Variants in JMJD1C observed in about 807,000 individuals in gnomAD.
JMJD1C encodes the protein jumonji domain containing 1C.
Under a neutral mutation model 245.3 loss-of-function variants are expected in JMJD1C, and 31 were observed. The observed-to-expected ratio is 0.13, with a 90% CI of 0.09 to 0.17. The LOEUF (loss-of-function observed/expected upper bound fraction) is 0.17. JMJD1C is among the 10% of genes least tolerant of loss of function. The probability of loss-of-function intolerance (pLI) is 1.00; values close to 1 mark genes in which losing one functional copy is unlikely to be tolerated. For missense variants in JMJD1C, 2,691 were observed against 3,000.2 expected, an observed-to-expected ratio of 0.90 and a Z score of 2.41; for synonymous variants, 1,057 against 1,017.4, an observed-to-expected ratio of 1.04 and a Z score of -0.74.
chr10:63,315,838 CAAAAA>C (rs531544593), intron 2 of JMJD1C, among the ~76,000 whole-genome samples: 1 of 55,280 alleles, frequency 1.8e-5, no homozygotes, highest in Non-Finnish European at 4.2e-5. Flanking sequence ...GACACCGTCT[CAAAAA>C]AAAAAAAAAA....
chr10:63,245,543 C>T (rs1198020415), intron 3 of JMJD1C, among the ~76,000 whole-genome samples: 4 of 128,682 alleles, frequency 3.1e-5, no homozygotes, highest in Non-Finnish European at 6.2e-5. Context: ...ACTGCAGTGG[C>T]GGGATCTCAG....
At chr10:63,221,502 A>T (rs1015926552) in intron 3 of JMJD1C, among the ~76,000 whole-genome samples, 1 of 152,234 alleles carries the variant, frequency 6.6e-6, no homozygotes, top group Non-Finnish European at 1.5e-5. Flanking sequence ...CCAGAATGAA[A>T]AACTGTCATA....
intron 1 of JMJD1C, among the ~76,000 whole-genome samples, chr10:63,415,065 C>T (rs1949722948): frequency 6.6e-6 from 1 of 152,080 alleles, no homozygotes; most frequent in South Asian, 2.1e-4. Context: ...CAATTTAATC[C>T]TCTTCAGGAT....
chr10:63,317,932 C>T (rs1046603467), intron 2 of JMJD1C, among the ~76,000 whole-genome samples: 2 of 152,148 alleles, frequency 1.3e-5, no homozygotes, highest in African/African-American at 2.4e-5. Context: ...GCCACTCCAA[C>T]CTCCAAGGCT....
At chr10:63,459,472 G>A (rs1952636183) in intron 1 of JMJD1C, among the ~76,000 whole-genome samples, 1 of 152,094 alleles carries the variant, frequency 6.6e-6, no homozygotes. Context: ...GAGGAGTTAT[G>A]GCACACTTCC....
intron 2 of JMJD1C, among the ~76,000 whole-genome samples, chr10:63,269,671 T>G (rs1856044897): frequency 6.6e-6 from 1 of 152,108 alleles, no homozygotes; most frequent in Admixed American, 6.6e-5. Context: ...ATCTCAACAA[T>G]CTCATAGGCA....
intron 2 of JMJD1C, among the ~76,000 whole-genome samples, chr10:63,300,562 G>C (rs140493475): frequency 6.8e-4 from 103 of 152,214 alleles, no homozygotes; most frequent in African/African-American, 2.4e-3. Flanking sequence ...GAACAGCAGA[G>C]AATTACTTTT....
At chr10:63,355,033 TAAAC>T (rs1944714871) in intron 2 of JMJD1C, among the ~76,000 whole-genome samples, 1 of 151,230 alleles carries the variant, frequency 6.6e-6, no homozygotes, top group African/African-American at 2.4e-5. Flanking sequence ...AGGAAAAGAA[TAAAC>T]AAATAAATAA....
At chr10:63,451,543 G>GTTGTT (rs1564933648) in intron 1 of JMJD1C, among the ~76,000 whole-genome samples, 13 of 152,130 alleles carry the variant, frequency 8.5e-5, no homozygotes, top group Non-Finnish European at 1.5e-4. Flanking sequence ...ACTATTTACA[G>GTTGTT]AGCATTTACA....
intron 1 of JMJD1C, among the ~76,000 whole-genome samples, chr10:63,459,355 T>C (rs1419155802): frequency 6.6e-6 from 1 of 152,186 alleles, no homozygotes; most frequent in African/African-American, 2.4e-5. Flanking sequence ...TGACAGAGTA[T>C]AAACTAGGGT....
chr10:63,367,617 G>A (rs1308982313), intron 2 of JMJD1C, among the ~76,000 whole-genome samples: 1 of 152,178 alleles, frequency 6.6e-6, no homozygotes, highest in Non-Finnish European at 1.5e-5. Flanking sequence ...ACTTCAACTT[G>A]CCTAAGCCAA....
At chr10:63,477,794 G>T (rs1430705097) in intron 1 of JMJD1C, among the ~76,000 whole-genome samples, 1 of 152,026 alleles carries the variant, frequency 6.6e-6, no homozygotes, top group East Asian at 1.9e-4. Context: ...GCTCTCCAAA[G>T]GTCACAGGGT....
intron 3 of JMJD1C, among the ~76,000 whole-genome samples, chr10:63,252,882 A>C (rs925476886): frequency 6.6e-6 from 1 of 152,250 alleles, no homozygotes; most frequent in Non-Finnish European, 1.5e-5. Context: ...CTTTGAGTTC[A>C]CATTTAGAGC....
At chr10:63,343,712 A>G (rs1371537774) in intron 2 of JMJD1C, among the ~76,000 whole-genome samples, 1 of 152,186 alleles carries the variant, frequency 6.6e-6, no homozygotes, top group African/African-American at 2.4e-5. Context: ...CACAGCCATT[A>G]TAACACTGTA....
intron 1 of JMJD1C, among the ~76,000 whole-genome samples, chr10:63,450,541 A>C (rs1028340094): frequency 6.6e-5 from 10 of 152,192 alleles, no homozygotes; most frequent in African/African-American, 2.4e-4. Flanking sequence ...AAAGTCAATA[A>C]ATACAATACA....
intron 1 of JMJD1C, among the ~76,000 whole-genome samples, chr10:63,502,404 C>T (rs568283876): frequency 6.6e-6 from 1 of 152,054 alleles, no homozygotes; most frequent in East Asian, 1.9e-4. Flanking sequence ...TTTGGGAGGC[C>T]GAGGCAGGTG....
Position 63,380,547 on chromosome 10 carries a change from A to G in JMJD1C, c.169-65T>C, listed in dbSNP as rs150227590. ...AAGAGTGGTATATCTTTTTTTACTAATGCATAATAATTGTACATATTTATG... is the reference window on the plus strand; with the variant it reads ...AAGAGTGGTATATCTTTTTTTACTAGTGCATAATAATTGTACATATTTATG... On this transcript the variant is annotated intron_variant, in intron 1 of 25. Coordinates refer to ENST00000399262, the MANE Select transcript of JMJD1C (RefSeq NM_032776.3). The G allele has an allele frequency of 9.6e-5, 117 of 1,221,998 alleles. No homozygotes were observed. The Middle Eastern group carries it at 1.3e-3, about 14-fold the overall frequency. The allele number at this position is 1,221,998 out of a possible 1,614,324, so 75.7% of individuals were successfully genotyped here.
At chr10:63,318,076 C>G (rs139482438) in intron 2 of JMJD1C, among the ~76,000 whole-genome samples, 4 of 152,120 alleles carry the variant, frequency 2.6e-5, no homozygotes, top group Admixed American at 2.6e-4. Context: ...GGTGCCATCT[C>G]GACTCACTAC....
intron 2 of JMJD1C, among the ~76,000 whole-genome samples, chr10:63,325,584 A>T (rs1293183437): frequency 6.6e-6 from 1 of 152,304 alleles, no homozygotes; most frequent in African/African-American, 2.4e-5. Context: ...TAGAGCCTAA[A>T]AAGAACTTTC....
Sources: gnomAD v4.1 joint callset for allele counts (sites outside exome capture counted in the v4.1 genomes callset) on GRCh38, gnomAD v4.1.1 for gene constraint, MANE v1.5 for transcripts, NCBI Gene and HGNC (gene_info 2026-07-23, HGNC 2026-07-21) for gene names.